The following XRCC4 variants were observed in gnomAD, a reference collection of about 807,000 sequenced individuals.
XRCC4 encodes the protein DNA repair protein XRCC4.
Under a neutral mutation model 39.1 loss-of-function variants are expected in XRCC4, and 28 were observed. The ratio of observed to expected loss-of-function variants is 0.72; its 90% CI spans 0.53 to 0.98. The LOEUF is 0.98. Ranked by LOEUF, XRCC4 falls within the 50% of genes least tolerant of loss-of-function variation. The pLI, the probability that XRCC4 is intolerant of heterozygous loss-of-function variation, is 0.00. For missense variants in XRCC4, 350 were observed against 376.4 expected (o/e 0.93, Z 0.58); for synonymous variants, 123 against 126.4 (o/e 0.97, Z 0.18).
At position 83,203,670 on chromosome 5, in the gene XRCC4, G is replaced by A. The variant is rs1751302306; in HGVS notation, c.601G>A (p.Ala201Thr). ...IRSLHNKLLNAAQEREKDIKQ... is the reference protein window; with the variant it reads ...IRSLHNKLLNTAQEREKDIKQ... ...AAGTTTGCATAATAAATTATTAAAT[G>A]CAGCTCAAGAACGAGAAAAGGACAT... The change falls in exon 5 of 8, where the codon GCA becomes ACA. Residue 201 changes from alanine (A) to threonine (T), a missense_variant. Transcript: ENST00000396027. 6.2e-7 allele frequency: 1 copy of A among 1,609,314 alleles called. No individual in the cohort carries two copies. Among genetic ancestry groups the A allele is most frequent in the Non-Finnish European group, 8.5e-7 (1 of 1,178,144 alleles).
intron 3 of XRCC4, among the ~76,000 whole-genome samples, chr5:83,171,409 T>C (rs1328684468): frequency 6.6e-6 from 1 of 152,116 alleles, no homozygotes; most frequent in Non-Finnish European, 1.5e-5. Context: ...TCTATAGATA[T>C]TTTGTGTTTG....
chr5:83,145,105 C>T (rs902405987), intron 3 of XRCC4, among the ~76,000 whole-genome samples: 5 of 152,146 alleles, frequency 3.3e-5, no homozygotes, highest in Admixed American at 1.3e-4. Flanking sequence ...CCGTGTTAGC[C>T]AGGATGGTCT....
chr5:83,100,476 A>G (rs1225398833), intron 1 of XRCC4, among the ~76,000 whole-genome samples: 1 of 152,132 alleles, frequency 6.6e-6, no homozygotes, highest in Non-Finnish European at 1.5e-5. Context: ...GAAATTTGTC[A>G]CTTGGTTCAA....
chr5:83,260,432 C>G (rs934971392), intron 7 of XRCC4, among the ~76,000 whole-genome samples: 8 of 152,034 alleles, frequency 5.3e-5, no homozygotes, highest in Non-Finnish European at 8.8e-5. Context: ...AGCTCCTGTC[C>G]TCATGGAACT....
In XRCC4 at chr5:83,309,266, C is replaced by CAAA. The variant is rs59326460; in HGVS notation, c.894-43836_894-43834dup. On this transcript the variant is annotated intron_variant, in intron 7 of 7. Transcript: ENST00000396027. Reference sequence around the variant, plus strand: ...TGGGTGACAGAGCGAGACTCCGTCTCAAAAAAAAAAAAAAAAAAAAAAAAA... The same window carrying CAAA: ...TGGGTGACAGAGCGAGACTCCGTCTCAAAAAAAAAAAAAAAAAAAAAAAAAAAA... Among the ~76,000 whole-genome samples, 42 of 17,386 alleles carry CAAA rather than the reference C, an allele frequency of 2.4e-3. 1 individual carries two copies. The highest frequency in any genetic ancestry group is 3.2e-3 in the Admixed American group (2 of 624). The allele number at this position is 17,386 out of a possible 152,430, so 11.4% of individuals were successfully genotyped here.
chr5:83,357,740 ATCGAAGGTCATAGGGCCCT>A (rs2112247110), downstream of XRCC4, among the ~76,000 whole-genome samples: 1 of 152,320 alleles, frequency 6.6e-6, no homozygotes, highest in South Asian at 2.1e-4. Context: ...CTGCCAAAAA[ATCGAAGGTCATAGGGCCCT>A]TCCTGGGTGT....
intron 3 of XRCC4, among the ~76,000 whole-genome samples, chr5:83,140,436 C>T (rs1046955683): frequency 1.1e-4 from 16 of 152,252 alleles, no homozygotes; most frequent in African/African-American, 2.9e-4. Flanking sequence ...CCACCTTTCT[C>T]GCCTGCTTTG....
chr5:83,279,218 G>A (rs1309180091), intron 7 of XRCC4, among the ~76,000 whole-genome samples: 1 of 151,310 alleles, frequency 6.6e-6, no homozygotes, highest in Non-Finnish European at 1.5e-5. Flanking sequence ...TTCATCTGTT[G>A]CCTGCTGTTG....
At chr5:83,307,987 A>T (rs1181816052) in intron 7 of XRCC4, among the ~76,000 whole-genome samples, 1 of 152,200 alleles carries the variant, frequency 6.6e-6, no homozygotes, top group Non-Finnish European at 1.5e-5. Flanking sequence ...TATACTCTGT[A>T]TCTTACCAGA....
intron 4 of XRCC4, among the ~76,000 whole-genome samples, chr5:83,198,978 G>A (rs954028140): frequency 2.0e-5 from 3 of 152,018 alleles, no homozygotes; most frequent in Admixed American, 6.6e-5. Context: ...TTACTGAATA[G>A]GTGTTTTGTT....
chr5:83,225,637 G>A (rs1752259296), intron 6 of XRCC4, among the ~76,000 whole-genome samples: 1 of 150,340 alleles, frequency 6.7e-6, no homozygotes, highest in South Asian at 2.1e-4. Context: ...GGATAGGCCT[G>A]GATTTATCTC....
At chr5:83,242,928 C>A (rs910063305) in intron 6 of XRCC4, among the ~76,000 whole-genome samples, 2 of 152,174 alleles carry the variant, frequency 1.3e-5, no homozygotes, top group Non-Finnish European at 2.9e-5. Flanking sequence ...GTAAGCAGGG[C>A]AACTAGGATT....
At position 83,263,458 on chromosome 5, in the gene XRCC4, C is replaced by A. The variant is rs1190849076; in HGVS notation, c.893+4781C>A. ...ATGGTTGAACTAGTTTACAGTCCCACCAACAGTGTAAAAGTGTTCCTATTT... is the reference window on the plus strand; with the variant it reads ...ATGGTTGAACTAGTTTACAGTCCCAACAACAGTGTAAAAGTGTTCCTATTT... On this transcript the variant is annotated intron_variant, in intron 7 of 7. Coordinates refer to ENST00000396027, the MANE Select transcript of XRCC4 (RefSeq NM_003401.5). 4.7e-5 allele frequency among the ~76,000 whole-genome samples: 7 copies of A among 150,366 alleles called. No homozygotes were observed. In the South Asian group the frequency reaches 6.3e-4, roughly 13 times the overall value.
chr5:83,323,523 A>G (rs1468239680), intron 7 of XRCC4, among the ~76,000 whole-genome samples: 1 of 152,108 alleles, frequency 6.6e-6, no homozygotes, highest in Non-Finnish European at 1.5e-5. Context: ...AAAAATAATT[A>G]CCAATTCCTC....
intron 7 of XRCC4, among the ~76,000 whole-genome samples, chr5:83,281,029 C>T (rs1400505129): frequency 6.6e-6 from 1 of 152,092 alleles, no homozygotes; most frequent in Non-Finnish European, 1.5e-5. Flanking sequence ...GAAGAACATC[C>T]CCTGTATCTT....
chr5:83,241,012 G>T (rs1412517689), intron 6 of XRCC4, among the ~76,000 whole-genome samples: 7 of 152,126 alleles, frequency 4.6e-5, no homozygotes, highest in Non-Finnish European at 8.8e-5. Flanking sequence ...GAGACGGGCG[G>T]ATCAGTTGAG....
At chr5:83,166,697 G>C (rs113810869) in intron 3 of XRCC4, among the ~76,000 whole-genome samples, 1 of 147,814 alleles carries the variant, frequency 6.8e-6, no homozygotes. Flanking sequence ...GGCTGGTCTC[G>C]AACTCCTGGC....
At chr5:83,110,944 A>G in intron 2 of XRCC4, 84 bp from the exon 3 acceptor site, 2 of 1,265,540 alleles carry the variant, frequency 1.6e-6, no homozygotes, top group East Asian at 2.7e-5. Flanking sequence ...CATGTGATAA[A>G]TTAGTACTAA....
intron 3 of XRCC4, among the ~76,000 whole-genome samples, chr5:83,157,985 C>A (rs1261615341): frequency 2.0e-5 from 3 of 152,020 alleles, no homozygotes; most frequent in Non-Finnish European, 4.4e-5. Flanking sequence ...TATTAAGAAT[C>A]CACCTTCAGA....
Sources: gnomAD v4.1 joint callset for allele counts (sites outside exome capture counted in the v4.1 genomes callset) on GRCh38, gnomAD v4.1.1 for gene constraint, MANE v1.5 for transcripts, NCBI Gene and HGNC (gene_info 2026-07-23, HGNC 2026-07-21) for gene names.